The following PCDHGA7 variants were observed in gnomAD, a reference collection of about 807,000 sequenced individuals.
The protein encoded by PCDHGA7 is protocadherin gamma-A7.
Under a neutral mutation model 58.3 loss-of-function variants are expected in PCDHGA7, and 44 were observed. That is an observed-to-expected ratio of 0.75 (90% CI 0.59 to 0.97). The LOEUF is 0.97. PCDHGA7 is among the 50% of genes least tolerant of loss of function. PCDHGA7 has a pLI of 0.00. For missense variants in PCDHGA7, 1,266 were observed against 1,188.7 expected (o/e 1.06, Z -0.96); for synonymous variants, 516 against 504.2 (o/e 1.02, Z -0.31).
chr5:141,393,774 G>A (rs767667499), intron 1 of PCDHGA7: 9 of 1,613,824 alleles, frequency 5.6e-6, no homozygotes, highest in Non-Finnish European at 7.6e-6. Context: ...GGAAATACAA[G>A]CCGAAGATGT....
intron 1 of PCDHGA7, chr5:141,427,032 A>G (rs1227315080): frequency 2.2e-6 from 1 of 457,206 alleles, no homozygotes; most frequent in East Asian, 6.9e-5. Flanking sequence ...AGTCAGCCTT[A>G]GAGAGAATGT....
chr5:141,409,045 C>T (rs1228603483), intron 1 of PCDHGA7: 1 of 1,613,878 alleles, frequency 6.2e-7, no homozygotes, highest in Non-Finnish European at 8.5e-7. Flanking sequence ...ACTACTACTT[C>T]CGAAGCACTG....
intron 1 of PCDHGA7, chr5:141,408,609 A>G (rs765291231): frequency 1.2e-5 from 19 of 1,613,970 alleles, no homozygotes; most frequent in Non-Finnish European, 3.4e-6. Flanking sequence ...TTTGATAAAA[A>G]GGAAATACAT....
chr5:141,511,288 C>G lies in PCDHGA7; in HGVS notation c.*115C>G. ...CTAACCCCCAGAATACTGGTAGGGG[C>G]CAAGGCCATGCTCCCCTTGGGAAAC... On this transcript the variant is annotated 3_prime_UTR_variant, in exon 4 of 4. Transcript: ENST00000518325. 6.6e-7 allele frequency: 1 copy of G among 1,518,266 alleles called. No homozygotes were observed. The highest frequency in any genetic ancestry group is 8.9e-7 in the Non-Finnish European group (1 of 1,129,706). The allele number at this position is 1,518,266 out of a possible 1,614,324, so 94.0% of individuals were successfully genotyped here.
intron 2 of PCDHGA7, among the ~76,000 whole-genome samples, chr5:141,496,078 CCCCACCCACCA>C (rs1204698458): frequency 6.6e-6 from 1 of 152,016 alleles, no homozygotes; most frequent in Non-Finnish European, 1.5e-5. Context: ...ACACACAACC[CCCCACCCACCA>C]CCCACCAACA....
At chr5:141,467,460 T>G (rs1354012953) in intron 1 of PCDHGA7, among the ~76,000 whole-genome samples, 1 of 152,246 alleles carries the variant, frequency 6.6e-6, no homozygotes. Context: ...CCAGTGCTAG[T>G]ACTTGCATGG....
intron 3 of PCDHGA7, among the ~76,000 whole-genome samples, chr5:141,509,398 G>A (rs1218925417): frequency 6.6e-6 from 1 of 152,106 alleles, no homozygotes; most frequent in Admixed American, 6.5e-5. Context: ...GGATCTCAGG[G>A]CCTCCAGCAG....
chr5:141,494,935 G>A, intron 2 of PCDHGA7, 70 bp downstream of exon 2: 1 of 1,612,482 alleles, frequency 6.2e-7, no homozygotes, highest in Non-Finnish European at 8.5e-7. Flanking sequence ...GGGAGGAGAT[G>A]GGGGAGGGCC....
Position 141,417,818 on chromosome 5 carries a change from C to T in PCDHGA7, c.2424+32495C>T, listed in dbSNP as rs59981184. 5.7e-4 allele frequency: 859 copies of T among 1,512,530 alleles called. 1 individual carries two copies. The African/African-American group carries it at 0.011, about 19-fold the overall frequency. 93.7% of individuals were successfully genotyped at this position (1,512,530 alleles called of 1,614,324 possible). On this transcript the variant is annotated intron_variant, in intron 1 of 3. Coordinates refer to ENST00000518325, the MANE Select transcript of PCDHGA7 (RefSeq NM_018920.4). ...TTTAGCGCGGTAGAGTGCACTTTCTCCAACTGGAAAAGCGGGGACCCAGCG... is the reference window on the plus strand; with the variant it reads ...TTTAGCGCGGTAGAGTGCACTTTCTTCAACTGGAAAAGCGGGGACCCAGCG...
intron 1 of PCDHGA7, among the ~76,000 whole-genome samples, chr5:141,460,801 ATATGTATG>A (rs2098998171): frequency 6.6e-6 from 1 of 152,010 alleles, no homozygotes; most frequent in Non-Finnish European, 1.5e-5. Context: ...CAAAGTATAT[ATATGTATG>A]TATACATATA....
Position 141,477,265 on chromosome 5 carries a change from G to T in PCDHGA7, c.2425-17542G>T. On this transcript the variant is annotated intron_variant, in intron 1 of 3. Coordinates refer to ENST00000518325, the MANE Select transcript of PCDHGA7 (RefSeq NM_018920.4). The surrounding 1 kb of genome is among the most constrained non-coding windows in gnomAD (Gnocchi z 4.9). ...GTGTGACTGACCTGGATGCTGGCGA[G>T]AACGGGCTGGTGACCTGCGAAGTTC... 6.2e-7 allele frequency: 1 copy of T among 1,614,198 alleles called. No individual in the cohort carries two copies. Among genetic ancestry groups the T allele is most frequent in the Non-Finnish European group, 8.5e-7 (1 of 1,180,044 alleles).
In PCDHGA7 at chr5:141,409,864, C is replaced by A. The variant is rs772646188; in HGVS notation, c.2424+24541C>A. The A allele has an allele frequency of 1.9e-6, 3 of 1,612,574 alleles. No individual in the cohort carries two copies. The East Asian group carries it at 6.7e-5, about 36-fold the overall frequency. Reference sequence around the variant, plus strand: ...TGAGCCTGCGCGTGTTGGTGGGAGACCGCAATGACAACGCACCGCGGGTGC... The same window carrying A: ...TGAGCCTGCGCGTGTTGGTGGGAGAACGCAATGACAACGCACCGCGGGTGC... On this transcript the variant is annotated intron_variant, in intron 1 of 3. Transcript: ENST00000518325.
intron 1 of PCDHGA7, among the ~76,000 whole-genome samples, chr5:141,488,423 T>C (rs1204233986): frequency 2.0e-5 from 3 of 152,354 alleles, no homozygotes; most frequent in Non-Finnish European, 4.4e-5. Context: ...CCATCCATGC[T>C]TGGCCTCTGA....
chr5:141,450,828 TA>T lies in PCDHGA7; in HGVS notation c.2425-43978del, dbSNP rs1427656987. Among the ~76,000 whole-genome samples the T allele has an allele frequency of 7.8e-4, 110 of 141,058 alleles. 1 individual carries two copies. The highest frequency in any genetic ancestry group is 1.8e-3 in the African/African-American group (65 of 36,868). The allele number at this position is 141,058 out of a possible 152,430, so 92.5% of individuals were successfully genotyped here. A position where few individuals can be genotyped will look rare whatever the true frequency, so the allele number is the denominator to read the frequency against. ...TTTATTTATTTAATATTATTATTAT[TA>T]TTTTTTTTTTTTTGAGATGGGGTCT... On this transcript the variant is annotated intron_variant, in intron 1 of 3. Transcript: ENST00000518325.
intron 1 of PCDHGA7, among the ~76,000 whole-genome samples, chr5:141,434,340 G>A (rs2097687601): frequency 6.6e-6 from 1 of 152,150 alleles, no homozygotes; most frequent in Non-Finnish European, 1.5e-5. Context: ...TTTGTGTCGG[G>A]AACAGGCCCC....
intron 1 of PCDHGA7, among the ~76,000 whole-genome samples, chr5:141,459,220 A>G (rs1234283814): frequency 6.6e-6 from 1 of 152,234 alleles, no homozygotes; most frequent in Non-Finnish European, 1.5e-5. Flanking sequence ...CTCCAGCTCC[A>G]GGCAACAACT....
At chr5:141,467,431 C>T (rs1452587540) in intron 1 of PCDHGA7, among the ~76,000 whole-genome samples, 1 of 152,170 alleles carries the variant, frequency 6.6e-6, no homozygotes, top group African/African-American at 2.4e-5. Flanking sequence ...GTTATAGAAA[C>T]ATTCATTACT....
Position 141,384,897 on chromosome 5 carries a change from C to T in PCDHGA7, c.1998C>T (p.Asp666=). The T allele has an allele frequency of 2.5e-6, 4 of 1,613,922 alleles. No individual in the cohort carries two copies. Among genetic ancestry groups the T allele is most frequent in the Non-Finnish European group, 3.4e-6 (4 of 1,180,010 alleles). Residue 666 remains aspartate, a synonymous_variant, in exon 1 of 4, where the codon GAC becomes GAT. Coordinates refer to ENST00000518325, the MANE Select transcript of PCDHGA7 (RefSeq NM_018920.4). ...ATVTLTVAVA[D]SIPEVLADLG... ...TCACACTCACCGTGGCTGTGGCTGA[C>T]AGCATCCCCGAAGTCTTGGCCGACC...
intron 1 of PCDHGA7, chr5:141,412,903 G>T: frequency 5.3e-6 from 2 of 376,030 alleles, no homozygotes; most frequent in East Asian, 4.2e-5. Flanking sequence ...ACTTTCCATT[G>T]CATGTATCAC....
Sources: gnomAD v4.1 joint callset for allele counts (sites outside exome capture counted in the v4.1 genomes callset) on GRCh38, gnomAD v4.1.1 for gene constraint, Gnocchi (gnomAD v3.1) non-coding constraint, MANE v1.5 for transcripts, NCBI Gene and HGNC (gene_info 2026-07-23, HGNC 2026-07-21) for gene names.